Variants in FAM135A observed in about 807,000 individuals in gnomAD.
FAM135A encodes protein FAM135A.
A neutral mutation model predicts 146.8 loss-of-function variants in FAM135A; 79 were observed. The ratio of observed to expected loss-of-function variants is 0.54; its 90% CI spans 0.45 to 0.65. The LOEUF (loss-of-function observed/expected upper bound fraction) is 0.65. Among genes scored for constraint, FAM135A ranks in the 30% least tolerant of loss-of-function variants. The pLI is 0.00. For synonymous variants in FAM135A, 562 were observed against 603.6 expected (o/e 0.93, Z 1.01); for missense variants, 1,623 against 1,758.2 (o/e 0.92, Z 1.38).
At chr6:70,474,825 G>A (rs1025345640) in intron 5 of FAM135A, among the ~76,000 whole-genome samples, 1 of 151,974 alleles carries the variant, frequency 6.6e-6, no homozygotes, top group Admixed American at 6.6e-5. Flanking sequence ...CGCCCATGTC[G>A]CTCAGTCTTT....
At chr6:70,516,183 G>A (rs557821215) in intron 12 of FAM135A, among the ~76,000 whole-genome samples, 4 of 152,174 alleles carry the variant, frequency 2.6e-5, no homozygotes, top group South Asian at 2.1e-4. Context: ...TTTCAGCCCC[G>A]GCTGTACATT....
chr6:70,553,768 A>AAAAT (rs1286819629), intron 20 of FAM135A, among the ~76,000 whole-genome samples: 3 of 152,206 alleles, frequency 2.0e-5, no homozygotes, highest in Non-Finnish European at 4.4e-5. Context: ...AGAAACATAT[A>AAAAT]AAATAAAACT....
intron 8 of FAM135A, among the ~76,000 whole-genome samples, chr6:70,477,996 A>G (rs1272089021): frequency 2.0e-5 from 3 of 152,130 alleles, no homozygotes; most frequent in Non-Finnish European, 2.9e-5. Flanking sequence ...GCAATGTTAA[A>G]CTATAATTAC....
chr6:70,431,554 A>G (rs1397815852), intron 4 of FAM135A, among the ~76,000 whole-genome samples: 1 of 152,130 alleles, frequency 6.6e-6, no homozygotes, highest in African/African-American at 2.4e-5. Flanking sequence ...GATACTGGCC[A>G]AAGCAAGTCA....
chr6:70,494,347 T>G (rs10434823), intron 11 of FAM135A, among the ~76,000 whole-genome samples: 1 of 151,886 alleles, frequency 6.6e-6, no homozygotes, highest in Non-Finnish European at 1.5e-5. Flanking sequence ...AACACAAATA[T>G]AGCCAGACAC....
intron 16 of FAM135A, among the ~76,000 whole-genome samples, chr6:70,530,806 G>A (rs2128389633): frequency 1.3e-5 from 2 of 152,206 alleles, no homozygotes; most frequent in South Asian, 4.2e-4. Context: ...GATAAAAATA[G>A]AAATATAAAC....
chr6:70,488,858 A>C (rs898777633), intron 10 of FAM135A, among the ~76,000 whole-genome samples: 16 of 152,164 alleles, frequency 1.1e-4, no homozygotes, highest in Admixed American at 3.9e-4. Context: ...ATGTTGCTCA[A>C]GGGTCTGTTA....
intron 4 of FAM135A, among the ~76,000 whole-genome samples, chr6:70,452,078 A>G (rs1357440000): frequency 6.6e-6 from 1 of 151,948 alleles, no homozygotes; most frequent in Non-Finnish European, 1.5e-5. Flanking sequence ...TTTGTCATTT[A>G]TAGAATCCAG....
chr6:70,513,935 C>A (rs1321530291), intron 12 of FAM135A, among the ~76,000 whole-genome samples: 3 of 151,820 alleles, frequency 2.0e-5, no homozygotes, highest in African/African-American at 4.8e-5. Flanking sequence ...CTTTGTTTTC[C>A]AGCAGTTTGA....
chr6:70,551,759 A>G (rs1434739904), intron 20 of FAM135A, among the ~76,000 whole-genome samples: 2 of 152,178 alleles, frequency 1.3e-5, no homozygotes, highest in African/African-American at 4.8e-5. Flanking sequence ...GAGACTGGAA[A>G]TGGCCAGTTG....
chr6:70,425,802 T>G (rs999028040), intron 2 of FAM135A, among the ~76,000 whole-genome samples: 1 of 152,224 alleles, frequency 6.6e-6, no homozygotes, highest in African/African-American at 2.4e-5. Flanking sequence ...GTTCCACCTC[T>G]TAAAAATTAA....
chr6:70,526,505 G>A lies in FAM135A; in HGVS notation c.3421G>A (p.Gly1141Ser), dbSNP rs761356910. 23 of 1,613,306 alleles carry A rather than the reference G, an allele frequency of 1.4e-5. No individual in the cohort carries two copies. The highest frequency in any genetic ancestry group is 1.7e-5 in the Non-Finnish European group (20 of 1,179,654). The change falls in exon 15 of 22, where the codon GGT (glycine) becomes AGT (serine). Residue 1141 changes from glycine to serine, a missense_variant. Around this residue, in one of 7 missense-constraint regions of FAM135A, gnomAD observed 1,061 missense variants for 1,113.8 expected, o/e 0.95. Coordinates refer to ENST00000418814, the MANE Select transcript of FAM135A (RefSeq NM_001162529.3). ...EKINSDYLRD[G>S]INMPTVCTSG... The stretch of plus-strand genomic sequence containing the variant: ...AATAAACAGTGACTATCTGAGAGAT[G>A]GTATAAACATGCCTACTGTCTGTAC...
intron 4 of FAM135A, among the ~76,000 whole-genome samples, chr6:70,447,353 A>T (rs1775987474): frequency 6.6e-6 from 1 of 152,180 alleles, no homozygotes; most frequent in African/African-American, 2.4e-5. Flanking sequence ...CTTTCCAGGG[A>T]ACAGAAGTAG....
intron 10 of FAM135A, among the ~76,000 whole-genome samples, chr6:70,489,529 A>G (rs1461405550): frequency 6.6e-6 from 1 of 152,182 alleles, no homozygotes; most frequent in East Asian, 1.9e-4. Context: ...GAATTCAGCC[A>G]AGAGACACGC....
rs1323149770 is a variant in FAM135A at position 70,524,952 on chromosome 6, A to G, written c.1868A>G (p.Asp623Gly). Residue 623 changes from aspartate (D) to glycine (G), a missense_variant, in exon 15 of 22, where the codon GAC becomes GGC. Around this residue, in one of 7 missense-constraint regions of FAM135A, gnomAD observed 1,061 missense variants for 1,113.8 expected, o/e 0.95. Coordinates refer to ENST00000418814, the MANE Select transcript of FAM135A (RefSeq NM_001162529.3). ...SISGKLDISQ[D>G]DSEITQMEHN... ...TCAGGTAAACTTGATATCTCCCAGG[A>G]CGATAGTGAAATTACACAAATGGAA... 2 of 1,607,044 alleles carry G rather than the reference A, an allele frequency of 1.2e-6. No individual in the cohort carries two copies. The highest frequency in any genetic ancestry group is 1.7e-4 in the Middle Eastern group (1 of 6,010).
intron 2 of FAM135A, among the ~76,000 whole-genome samples, chr6:70,422,292 TAAG>T (rs1291418002): frequency 1.3e-5 from 2 of 152,200 alleles, no homozygotes; most frequent in Non-Finnish European, 2.9e-5. Flanking sequence ...AAGTAGTTTC[TAAG>T]AAGAGGATCA....
intron 16 of FAM135A, among the ~76,000 whole-genome samples, chr6:70,530,075 T>C (rs1195814606): frequency 6.7e-6 from 1 of 150,130 alleles, no homozygotes; most frequent in Non-Finnish European, 1.5e-5. Context: ...AAAAAAAAAA[T>C]AATAATAATG....
rs188643035 is a variant in FAM135A at position 70,544,799 on chromosome 6, C to G, written c.4228+6398C>G. Among the ~76,000 whole-genome samples the G allele has an allele frequency of 5.7e-3, 858 of 151,836 alleles. 3 individuals carry two copies. Among genetic ancestry groups the G allele is most frequent in the Non-Finnish European group, 8.2e-3 (559 of 67,924 alleles). Reference sequence around the variant, plus strand: ...GGCACAGTGGCTCACGCCTGTAATCCCCGTACTTTGGGAGGCTGAGGCAGG... The same window carrying G: ...GGCACAGTGGCTCACGCCTGTAATCGCCGTACTTTGGGAGGCTGAGGCAGG... On this transcript the variant is annotated intron_variant, in intron 20 of 21. Transcript: ENST00000418814.
intron 5 of FAM135A, among the ~76,000 whole-genome samples, chr6:70,472,808 T>C (rs1025220798): frequency 6.6e-5 from 10 of 152,206 alleles, no homozygotes; most frequent in African/African-American, 2.2e-4. Flanking sequence ...AATTTCGTCA[T>C]GATTAGATTC....
Sources: allele counts gnomAD v4.1 joint callset (sites outside exome capture counted in the v4.1 genomes callset), GRCh38; gene constraint gnomAD v4.1.1; regional missense constraint gnomAD v4.1.1; transcripts MANE v1.5; gene names NCBI Gene and HGNC (gene_info 2026-07-23, HGNC 2026-07-21).